Variants in ADAMTS18 observed in about 807,000 individuals in gnomAD.
ADAMTS18 encodes A disintegrin and metalloproteinase with thrombospondin motifs 18.
ADAMTS18 carries 157 observed loss-of-function variants against 165.9 expected under a neutral mutation model. The observed-to-expected ratio is 0.95, with a 90% CI of 0.83 to 1.08. The LOEUF is 1.08. ADAMTS18 is among the 50% of genes least tolerant of loss of function. The pLI is 0.00. For synonymous variants in ADAMTS18, 782 were observed against 578.2 expected, an observed-to-expected ratio of 1.35 and a Z score of -5.06; for missense variants, 2,040 against 1,534.0, an observed-to-expected ratio of 1.33 and a Z score of -5.51.
At chr16:77,371,827 A>T (rs1250501519) in intron 3 of ADAMTS18, among the ~76,000 whole-genome samples, 3 of 152,348 alleles carry the variant, frequency 2.0e-5, no homozygotes, top group Non-Finnish European at 4.4e-5. Flanking sequence ...CAATAGACTA[A>T]GGAGACAACC....
At chr16:77,378,009 G>A (rs909707127) in intron 3 of ADAMTS18, among the ~76,000 whole-genome samples, 1 of 152,134 alleles carries the variant, frequency 6.6e-6, no homozygotes, top group East Asian at 1.9e-4. Context: ...GAAAACCATT[G>A]GTAAAAGGAT....
chr16:77,400,466 GTGTGTGTGTGTGTGTTTTGT>G (rs2057313628), intron 3 of ADAMTS18, among the ~76,000 whole-genome samples: 1 of 139,408 alleles, frequency 7.2e-6, no homozygotes, highest in African/African-American at 2.8e-5. Flanking sequence ...CTGTGTGTGT[GTGTGTGTGTGTGTGTTTTGT>G]TTTTTTTTTT....
chr16:77,289,891 A>T lies in ADAMTS18; in HGVS notation c.3403-480T>A, dbSNP rs996180541. Among the ~76,000 whole-genome samples the T allele has an allele frequency of 4.6e-5, 7 of 152,212 alleles. No individual in the cohort carries two copies. In the South Asian group the frequency reaches 1.0e-3, roughly 22 times the overall value. The stretch of plus-strand genomic sequence containing the variant: ...CAGCCACATTCTGAGTTGGCATGAC[A>T]GAGTTGGTGCTTCTTAGGAGTCGCT... On this transcript the variant is annotated intron_variant, in intron 21 of 22. Coordinates refer to ENST00000282849, the MANE Select transcript of ADAMTS18 (RefSeq NM_199355.4).
At chr16:77,328,269 T>C (rs1041649852) in intron 12 of ADAMTS18, among the ~76,000 whole-genome samples, 1 of 152,158 alleles carries the variant, frequency 6.6e-6, no homozygotes, top group Non-Finnish European at 1.5e-5. Context: ...TGTGGCTTCT[T>C]GTCACTCCTC....
chr16:77,330,639 A>C (rs1029140242), intron 12 of ADAMTS18, among the ~76,000 whole-genome samples: 1 of 152,242 alleles, frequency 6.6e-6, no homozygotes, highest in African/African-American at 2.4e-5. Context: ...GGCTTCCGTC[A>C]GTTAAAACTA....
At chr16:77,380,797 C>T (rs767328346) in intron 3 of ADAMTS18, among the ~76,000 whole-genome samples, 8 of 152,100 alleles carry the variant, frequency 5.3e-5, no homozygotes, top group Non-Finnish European at 8.8e-5. Context: ...CACCAGGCAC[C>T]GCACATAGCA....
intron 4 of ADAMTS18, among the ~76,000 whole-genome samples, chr16:77,366,068 A>G (rs958126265): frequency 3.9e-5 from 6 of 152,230 alleles, no homozygotes; most frequent in African/African-American, 1.4e-4. Context: ...TAATACCAAA[A>G]ACTCAAAAAC....
At chr16:77,421,717 A>G (rs1184037248) in intron 3 of ADAMTS18, among the ~76,000 whole-genome samples, 1 of 152,144 alleles carries the variant, frequency 6.6e-6, no homozygotes, top group African/African-American at 2.4e-5. Flanking sequence ...GATGTCCCAT[A>G]TGTATTTGAC....
chr16:77,336,994 T>A (rs1273078748), intron 11 of ADAMTS18, among the ~76,000 whole-genome samples: 1 of 152,224 alleles, frequency 6.6e-6, no homozygotes, highest in East Asian at 1.9e-4. Context: ...AAATCTTCAC[T>A]TATCCCCTGC....
At chr16:77,391,187 A>G (rs895136107) in intron 3 of ADAMTS18, among the ~76,000 whole-genome samples, 1 of 152,196 alleles carries the variant, frequency 6.6e-6, no homozygotes, top group East Asian at 1.9e-4. Flanking sequence ...CCAAATCTTT[A>G]TAAGTCCTTT....
At chr16:77,402,427 G>C (rs1272769707) in intron 3 of ADAMTS18, among the ~76,000 whole-genome samples, 1 of 152,130 alleles carries the variant, frequency 6.6e-6, no homozygotes, top group Non-Finnish European at 1.5e-5. Context: ...CGTGTGTTAG[G>C]TTCTAACATA....
At chr16:77,373,342 C>G (rs1220702768) in intron 3 of ADAMTS18, among the ~76,000 whole-genome samples, 1 of 151,808 alleles carries the variant, frequency 6.6e-6, no homozygotes, top group Admixed American at 6.6e-5. Context: ...GCATATAGTC[C>G]CAGCTACTCG....
chr16:77,383,671 T>C (rs2057065095), intron 3 of ADAMTS18, among the ~76,000 whole-genome samples: 1 of 152,052 alleles, frequency 6.6e-6, no homozygotes, highest in South Asian at 2.1e-4. Flanking sequence ...GCCTCCCAAG[T>C]AGCTGGGATT....
At chr16:77,359,106 T>C (rs2056673199) in intron 8 of ADAMTS18, among the ~76,000 whole-genome samples, 1 of 151,990 alleles carries the variant, frequency 6.6e-6, no homozygotes, top group African/African-American at 2.4e-5. Flanking sequence ...CACGAAGGAG[T>C]ACTGTGTGGC....
chr16:77,422,838 A>G (rs560366509), intron 3 of ADAMTS18, among the ~76,000 whole-genome samples: 1 of 152,304 alleles, frequency 6.6e-6, no homozygotes, highest in African/African-American at 2.4e-5. Context: ...TTCCCTCCTT[A>G]GAATACCTAC....
intron 3 of ADAMTS18, among the ~76,000 whole-genome samples, chr16:77,372,319 G>A (rs1182564878): frequency 3.9e-5 from 6 of 152,212 alleles, no homozygotes; most frequent in African/African-American, 1.4e-4. Context: ...CTGCACTCCA[G>A]TGTTTATTGC....
In ADAMTS18 at chr16:77,284,822, C is replaced by A. The variant is rs184799831; in HGVS notation, c.3551-751G>T. Among the ~76,000 whole-genome samples the A allele has an allele frequency of 2.0e-5, 3 of 152,072 alleles. No homozygotes were observed. The East Asian group carries it at 5.8e-4, about 30-fold the overall frequency. On this transcript the variant is annotated intron_variant, in intron 22 of 22. Coordinates refer to ENST00000282849, the MANE Select transcript of ADAMTS18 (RefSeq NM_199355.4). ...ATTGAGAAGGGCTGTCAGAGGGGAG[C>A]ATTAAGGGAGGGTGTGCTGCTGGTC...
At chr16:77,360,042 C>A (rs1375314337) in intron 7 of ADAMTS18, among the ~76,000 whole-genome samples, 1 of 152,192 alleles carries the variant, frequency 6.6e-6, no homozygotes, top group Admixed American at 6.5e-5. Flanking sequence ...TCTTCAAATA[C>A]AATACAGTGT....
intron 18 of ADAMTS18, among the ~76,000 whole-genome samples, chr16:77,295,418 G>A (rs2055450383): frequency 6.6e-6 from 1 of 152,114 alleles, no homozygotes; most frequent in African/African-American, 2.4e-5. Flanking sequence ...CAAATTTGTT[G>A]GGATTTTAAC....
Sources: allele counts gnomAD v4.1 joint callset (sites outside exome capture counted in the v4.1 genomes callset), GRCh38; gene constraint gnomAD v4.1.1; transcripts MANE v1.5; gene names NCBI Gene and HGNC (gene_info 2026-07-23, HGNC 2026-07-21).